Variants in CABIN1 observed in about 807,000 individuals in gnomAD.
The protein encoded by CABIN1 is calcineurin binding protein 1.
In CABIN1, 133 loss-of-function variants were observed where a neutral mutation model predicts 227.7. That is an observed-to-expected ratio of 0.58 (90% CI 0.51 to 0.67). The LOEUF is 0.67. Among genes scored for constraint, CABIN1 ranks in the 30% least tolerant of loss-of-function variants. The pLI is 0.00. For synonymous variants in CABIN1, 1,086 were observed against 1,155.1 expected (o/e 0.94, Z 1.21); for missense variants, 2,408 against 2,852.5 (o/e 0.84, Z 3.55).
intron 16 of CABIN1, among the ~76,000 whole-genome samples, chr22:24,067,722 G>A (rs1012916469): frequency 1.3e-5 from 2 of 152,192 alleles, no homozygotes; most frequent in Middle Eastern, 3.4e-3. Flanking sequence ...CTGGGTGCTG[G>A]GCAGTTATTC....
At chr22:24,012,799 C>T (rs1359672343) in intron 1 of CABIN1, among the ~76,000 whole-genome samples, 1 of 152,120 alleles carries the variant, frequency 6.6e-6, no homozygotes, top group African/African-American at 2.4e-5. Context: ...CTTGGTCTGT[C>T]GCCCAGGCTG....
At chr22:24,125,616 G>C (rs1420728816) in intron 28 of CABIN1, among the ~76,000 whole-genome samples, 1 of 152,210 alleles carries the variant, frequency 6.6e-6, no homozygotes, top group African/African-American at 2.4e-5. Context: ...GTAGAACCAG[G>C]CATCAGGAGG....
At chr22:24,012,252 A>G (rs1265409589) in intron 1 of CABIN1, among the ~76,000 whole-genome samples, 1 of 152,230 alleles carries the variant, frequency 6.6e-6, no homozygotes, top group Non-Finnish European at 1.5e-5. Flanking sequence ...CTGCGTCGCA[A>G]TAAAATTTTA....
intron 28 of CABIN1, among the ~76,000 whole-genome samples, chr22:24,125,556 G>C (rs570075696): frequency 1.3e-5 from 2 of 152,326 alleles, no homozygotes; most frequent in Non-Finnish European, 2.9e-5. Flanking sequence ...TGTTCGGGGG[G>C]AGCTGGTGAG....
chr22:24,074,157 TTTTCTTA>T lies in CABIN1; in HGVS notation c.2632+1648_2632+1654del, dbSNP rs2040280803. Among the ~76,000 whole-genome samples, 4 of 152,306 alleles carry T rather than the reference TTTTCTTA, an allele frequency of 2.6e-5. No homozygotes were observed. In the South Asian group the frequency reaches 8.3e-4, roughly 32 times the overall value. ...GTTTATAACTATAAAAGTTTGTTAT[TTTTCTTA>T]GAAAAATAACACGAAAAGACTTCTG... On this transcript the variant is annotated intron_variant, in intron 18 of 36. Coordinates refer to ENST00000263119, the MANE Select transcript of CABIN1 (RefSeq NM_012295.4).
intron 1 of CABIN1, among the ~76,000 whole-genome samples, chr22:24,026,078 C>G (rs2146696614): frequency 6.6e-6 from 1 of 152,268 alleles, no homozygotes; most frequent in African/African-American, 2.4e-5. Flanking sequence ...CTCAAGTGAT[C>G]CACCCATCTC....
chr22:24,124,660 G>GC (rs1479896697), intron 28 of CABIN1, among the ~76,000 whole-genome samples: 1 of 152,188 alleles, frequency 6.6e-6, no homozygotes, highest in Non-Finnish European at 1.5e-5. Context: ...GGCTCTTTGA[G>GC]CCCATATAGG....
rs577419338 is a variant in CABIN1, at chr22:24,025,302, T to G, written c.-74-10142T>G. The stretch of plus-strand genomic sequence containing the variant: ...TTATTTCTTTGGTCAGCCAGTGACC[T>G]GACAACGATTTCCTTAAATGTCTGA... On this transcript the variant is annotated intron_variant, in intron 1 of 36. Transcript: ENST00000263119. Among the ~76,000 whole-genome samples the G allele has an allele frequency of 1.3e-3, 201 of 152,316 alleles. 1 individual carries two copies. The highest frequency in any genetic ancestry group is 3.6e-3 in the African/African-American group (148 of 41,556).
chr22:24,045,904 G>A (rs753674516), intron 6 of CABIN1, among the ~76,000 whole-genome samples: 9 of 152,120 alleles, frequency 5.9e-5, no homozygotes, highest in Non-Finnish European at 1.2e-4. Flanking sequence ...CTTTTTAATT[G>A]AGGCAAAACA....
chr22:24,056,623 C>T (rs951975594), intron 10 of CABIN1: 11 of 494,266 alleles, frequency 2.2e-5, no homozygotes, highest in African/African-American at 1.7e-4. Flanking sequence ...TACTCATGTC[C>T]CTGTGTATTT....
At chr22:24,142,446 C>G (rs1276002359) in intron 29 of CABIN1, among the ~76,000 whole-genome samples, 2 of 152,206 alleles carry the variant, frequency 1.3e-5, no homozygotes, top group Non-Finnish European at 2.9e-5. Flanking sequence ...CACCCAGGAA[C>G]CCAGCTGTGG....
chr22:24,060,878 C>T (rs892106740), intron 12 of CABIN1, among the ~76,000 whole-genome samples: 5 of 151,810 alleles, frequency 3.3e-5, no homozygotes, highest in Admixed American at 6.6e-5. Flanking sequence ...CCAGCCTAGG[C>T]GACAAGGCGA....
At chr22:24,140,099 C>T (rs553323716) in intron 29 of CABIN1, among the ~76,000 whole-genome samples, 12 of 152,214 alleles carry the variant, frequency 7.9e-5, no homozygotes, top group Non-Finnish European at 1.2e-4. Flanking sequence ...GGATTAGAGG[C>T]ACCCTCGGGG....
At chr22:24,026,648 T>G (rs2036110457) in intron 1 of CABIN1, among the ~76,000 whole-genome samples, 1 of 152,252 alleles carries the variant, frequency 6.6e-6, no homozygotes, top group South Asian at 2.1e-4. Flanking sequence ...AAGAAGATTC[T>G]TTCTCCATTG....
chr22:24,041,061 C>G (rs1374532216), intron 4 of CABIN1, 78 bp from the exon 5 acceptor site: 6 of 1,591,174 alleles, frequency 3.8e-6, no homozygotes, highest in Non-Finnish European at 4.3e-6. Flanking sequence ...AGAGGCCAGC[C>G]TGGAAGCCAA....
chr22:24,114,828 C>G (rs1031925975), intron 27 of CABIN1, among the ~76,000 whole-genome samples: 4 of 152,230 alleles, frequency 2.6e-5, no homozygotes, highest in African/African-American at 9.6e-5. Flanking sequence ...CTTAGAAGGG[C>G]ATGAGACCAC....
At chr22:24,055,884 G>A (rs1032848956) in intron 9 of CABIN1, among the ~76,000 whole-genome samples, 8 of 152,218 alleles carry the variant, frequency 5.3e-5, no homozygotes, top group Non-Finnish European at 1.2e-4. Context: ...AACAGAGTGA[G>A]ACTCCGAAGT....
chr22:24,068,199 G>C (rs2039830076), intron 16 of CABIN1, among the ~76,000 whole-genome samples: 1 of 152,216 alleles, frequency 6.6e-6, no homozygotes, highest in South Asian at 2.1e-4. Context: ...TGGGGAAGCA[G>C]GAGGGAGAAG....
At chr22:24,030,109 G>A (rs760942630) in intron 1 of CABIN1, among the ~76,000 whole-genome samples, 2 of 152,186 alleles carry the variant, frequency 1.3e-5, no homozygotes, top group Non-Finnish European at 2.9e-5. Flanking sequence ...GAGTGATGTT[G>A]ATGATGCATA....
Sources: gnomAD v4.1 joint callset for allele counts (sites outside exome capture counted in the v4.1 genomes callset) on GRCh38, gnomAD v4.1.1 for gene constraint, MANE v1.5 for transcripts, NCBI Gene and HGNC (gene_info 2026-07-23, HGNC 2026-07-21) for gene names.